GIPC2: variants seen among roughly 807,000 people sequenced by gnomAD.
GIPC2 encodes the protein GIPC PDZ domain containing family member 2.
Under a neutral mutation model 30.6 loss-of-function variants are expected in GIPC2, and 30 were observed. That is an observed-to-expected ratio of 0.98 (90% CI 0.73 to 1.33). GIPC2 has a LOEUF of 1.33. Ranked by LOEUF, GIPC2 falls within the 40% of genes most tolerant of loss-of-function variation. The pLI is 0.00. For synonymous variants in GIPC2, 167 were observed against 150.0 expected, an observed-to-expected ratio of 1.11 and a Z score of -0.83; for missense variants, 414 against 390.3, an observed-to-expected ratio of 1.06 and a Z score of -0.51.
At chr1:78,096,409 A>G (rs573585972) in intron 3 of GIPC2, among the ~76,000 whole-genome samples, 1 of 152,122 alleles carries the variant, frequency 6.6e-6, no homozygotes, top group African/African-American at 2.4e-5. Context: ...AATCAAAGCC[A>G]TTCTATTAGC....
At chr1:78,060,355 G>A (rs2102640731) in intron 1 of GIPC2, among the ~76,000 whole-genome samples, 1 of 152,156 alleles carries the variant, frequency 6.6e-6, no homozygotes, top group Admixed American at 6.5e-5. Context: ...ATGTTGCCTA[G>A]GCTGGTCTCA....
chr1:78,135,984 AG>A lies in GIPC2; in HGVS notation c.*243del, dbSNP rs1235683347. ...GGATCAATTGTAATATTCATTCAAA[AG>A]GTTTTTAAAAGTAAGTTTTAAGGAG... On this transcript the variant is annotated 3_prime_UTR_variant, in exon 6 of 6. Coordinates refer to ENST00000370759, the MANE Select transcript of GIPC2 (RefSeq NM_017655.6). The A allele has an allele frequency of 3.0e-6, 1 of 328,676 alleles. No homozygotes were observed. The highest frequency in any genetic ancestry group is 5.5e-5 in the East Asian group (1 of 18,048). 20.4% of individuals were successfully genotyped at this position (328,676 alleles called of 1,614,324 possible).
intron 5 of GIPC2, among the ~76,000 whole-genome samples, chr1:78,129,495 C>T (rs927548469): frequency 6.6e-6 from 1 of 152,032 alleles, no homozygotes; most frequent in East Asian, 1.9e-4. Context: ...ATGGCAACAA[C>T]GTGACTTAAA....
At chr1:78,096,669 A>T (rs763802533) in intron 3 of GIPC2, among the ~76,000 whole-genome samples, 7 of 152,214 alleles carry the variant, frequency 4.6e-5, no homozygotes, top group Admixed American at 6.5e-5. Flanking sequence ...TGTTGTAGAC[A>T]TGAGTAGAGT....
At chr1:78,059,259 T>TA (rs1247625792) in intron 1 of GIPC2, among the ~76,000 whole-genome samples, 1 of 152,254 alleles carries the variant, frequency 6.6e-6, no homozygotes, top group Non-Finnish European at 1.5e-5. Context: ...GCCACTGAAT[T>TA]AAATGAAGAG....
chr1:78,091,729 C>T, intron 2 of GIPC2: 1 of 775,134 alleles, frequency 1.3e-6, no homozygotes, highest in Middle Eastern at 2.7e-4. Context: ...CCTTTGCATA[C>T]AAGAATGTTA....
intron 1 of GIPC2, among the ~76,000 whole-genome samples, chr1:78,067,416 A>T (rs1322139222): frequency 6.6e-6 from 1 of 152,142 alleles, no homozygotes; most frequent in Non-Finnish European, 1.5e-5. Context: ...AAGATGCTGG[A>T]TGACACTTAT....
At chr1:78,098,296 A>G (rs1248864894) in intron 3 of GIPC2, among the ~76,000 whole-genome samples, 1 of 152,178 alleles carries the variant, frequency 6.6e-6, no homozygotes, top group East Asian at 1.9e-4. Flanking sequence ...ACTTTCTTTC[A>G]GAGAAAGAGT....
At chr1:78,057,566 CA>C (rs749584546) in intron 1 of GIPC2, among the ~76,000 whole-genome samples, 19 of 152,204 alleles carry the variant, frequency 1.2e-4, no homozygotes, top group East Asian at 1.2e-3. Flanking sequence ...GAACCAAATA[CA>C]GGGAAGAAAG....
At chr1:78,054,665 C>T (rs1661254371) in intron 1 of GIPC2, among the ~76,000 whole-genome samples, 2 of 152,108 alleles carry the variant, frequency 1.3e-5, no homozygotes, top group South Asian at 4.2e-4. Context: ...GGCTTGATAT[C>T]CCCTCCTGAG....
intron 2 of GIPC2, among the ~76,000 whole-genome samples, chr1:78,091,312 T>C (rs1020475805): frequency 6.6e-6 from 1 of 152,252 alleles, no homozygotes; most frequent in Non-Finnish European, 1.5e-5. Context: ...GAGGACAGTG[T>C]TGGAAGGATC....
At chr1:78,092,300 A>G (rs996835897) in intron 2 of GIPC2, among the ~76,000 whole-genome samples, 2 of 152,216 alleles carry the variant, frequency 1.3e-5, no homozygotes, top group Non-Finnish European at 2.9e-5. Flanking sequence ...GATGAACATA[A>G]TGGAAGATAT....
chr1:78,069,601 G>C (rs1399471585), intron 1 of GIPC2, among the ~76,000 whole-genome samples: 1 of 151,228 alleles, frequency 6.6e-6, no homozygotes, highest in Admixed American at 6.6e-5. Context: ...AGCCTCCTGA[G>C]TAGCTGGGAT....
chr1:78,102,092 G>A (rs1167422189), intron 3 of GIPC2, among the ~76,000 whole-genome samples: 1 of 152,178 alleles, frequency 6.6e-6, no homozygotes, highest in African/African-American at 2.4e-5. Context: ...ATTTCTGTAA[G>A]AGTTTTCAAA....
At chr1:78,046,883 C>A (rs192657976) in intron 1 of GIPC2, among the ~76,000 whole-genome samples, 18 of 152,308 alleles carry the variant, frequency 1.2e-4, no homozygotes, top group Non-Finnish European at 2.9e-5. Flanking sequence ...GGCCCACTTT[C>A]CCCCAATCTG....
At chr1:78,106,762 C>A (rs1662361230) in intron 3 of GIPC2, among the ~76,000 whole-genome samples, 1 of 152,128 alleles carries the variant, frequency 6.6e-6, no homozygotes, top group Non-Finnish European at 1.5e-5. Flanking sequence ...CTCTCTGCAA[C>A]CTCTGTTGCC....
chr1:78,076,053 T>G (rs959715103), intron 1 of GIPC2, among the ~76,000 whole-genome samples: 20 of 152,232 alleles, frequency 1.3e-4, no homozygotes, highest in Non-Finnish European at 2.5e-4. Flanking sequence ...AACCACCGTT[T>G]GGTAGCTTCT....
intron 3 of GIPC2, among the ~76,000 whole-genome samples, chr1:78,102,278 A>G (rs1264664755): frequency 6.6e-6 from 1 of 152,182 alleles, no homozygotes; most frequent in African/African-American, 2.4e-5. Flanking sequence ...TAGTCTTTTG[A>G]GTCATTCACA....
At chr1:78,120,355 C>G (rs555980659) in intron 4 of GIPC2, among the ~76,000 whole-genome samples, 2 of 152,224 alleles carry the variant, frequency 1.3e-5, no homozygotes, top group African/African-American at 2.4e-5. Flanking sequence ...TTGTCTCTGC[C>G]TGAATGTTTT....
Sources: gnomAD v4.1 joint callset for allele counts (sites outside exome capture counted in the v4.1 genomes callset) on GRCh38, gnomAD v4.1.1 for gene constraint, MANE v1.5 for transcripts, NCBI Gene and HGNC (gene_info 2026-07-23, HGNC 2026-07-21) for gene names.